Variants in TLE2 observed in about 807,000 individuals in gnomAD.
TLE2 encodes the protein TLE family member 2, transcriptional corepressor.
Under a neutral mutation model 97.2 loss-of-function variants are expected in TLE2, and 74 were observed. The observed-to-expected ratio is 0.76, with a 90% CI of 0.63 to 0.92. TLE2 has a LOEUF of 0.92. Ranked by LOEUF, TLE2 falls within the 40% of genes least tolerant of loss-of-function variation. The pLI, the probability that TLE2 is intolerant of heterozygous loss-of-function variation, is 0.00. For missense variants in TLE2, 1,038 were observed against 1,008.7 expected (o/e 1.03, Z -0.39); for synonymous variants, 499 against 432.1 (o/e 1.15, Z -1.92).
chr19:3,045,760 G>A (rs1265967887), exon 1 of TLE2: 1 of 447,850 alleles, frequency 2.2e-6, no homozygotes, highest in East Asian at 7.1e-5. Flanking sequence ...TTGGGAGGCG[G>A]AGGTTGCAGT....
chr19:3,028,843 C>G (rs759745249), intron 1 of TLE2, 38 bp downstream of exon 1: 1 of 1,611,850 alleles, frequency 6.2e-7, no homozygotes, highest in African/African-American at 1.3e-5. Context: ...TCTGAGTTCC[C>G]GGACACTGGG....
chr19:3,009,027 CCT>C lies in TLE2; in HGVS notation c.1174-84_1174-83del, dbSNP rs1169672696. The C allele has an allele frequency of 2.2e-5, 26 of 1,161,078 alleles. 1 individual carries two copies. Among genetic ancestry groups the C allele is most frequent in the South Asian group, 1.3e-4 (8 of 62,420 alleles). The allele number at this position is 1,161,078 out of a possible 1,614,324, so 71.9% of individuals were successfully genotyped here. A position where few individuals can be genotyped will look rare whatever the true frequency, so the allele number is the denominator to read the frequency against. Reference sequence around the variant, plus strand: ...CCACCCCACGCCCACCTGCCATACCCCTCTCTGTTTATCACCCCTCCCCAAGG... The same window carrying C: ...CCACCCCACGCCCACCTGCCATACCCCTCTGTTTATCACCCCTCCCCAAGG... On this transcript the variant is annotated intron_variant, in intron 13 of 19. Coordinates refer to ENST00000262953, the MANE Select transcript of TLE2 (RefSeq NM_003260.5).
In TLE2 at chr19:3,008,927, G is replaced by A. The variant is rs2089532510; in HGVS notation, c.1192C>T (p.Pro398Ser). 1 of 1,593,016 alleles carries A rather than the reference G, an allele frequency of 6.3e-7. No individual in the cohort carries two copies. Among genetic ancestry groups the A allele is most frequent in the Admixed American group, 1.7e-5 (1 of 57,636 alleles). Residue 398 changes from proline (P) to serine (S), a missense_variant, in exon 14 of 20, where the codon CCC becomes TCC. Transcript: ENST00000262953. ...RSPVMAFESH[P>S]HLRGSSVSSS... ...GAGACGGATGACCCTCGGAGATGGGGATGAGACTCAAATGCCATCTGTGAG... is the reference window on the plus strand; with the variant it reads ...GAGACGGATGACCCTCGGAGATGGGAATGAGACTCAAATGCCATCTGTGAG...
In TLE2 at chr19:3,006,447, C is replaced by CT; in HGVS notation, c.1472dup (p.Thr492AspfsTer32). On this transcript the variant is annotated frameshift_variant, in exon 15 of 20. Transcript: ENST00000262953. LOFTEE classifies it high-confidence loss of function. ...GGCAGTCGAGCTGGGCCACGGGCGT[C>CT]TTGGCCCCAGGCTGGCCCACGTCCC... 6.2e-7 allele frequency: 1 copy of CT among 1,610,704 alleles called. No homozygotes were observed. The highest frequency in any genetic ancestry group is 8.5e-7 in the Non-Finnish European group (1 of 1,179,608).
intron 1 of TLE2, among the ~76,000 whole-genome samples, chr19:3,043,404 C>T (rs1159251396): frequency 7.5e-6 from 1 of 132,952 alleles, no homozygotes; most frequent in Non-Finnish European, 1.6e-5. Flanking sequence ...GTCTCGAACG[C>T]CTAACCTCGT....
In TLE2 at chr19:3,021,835, A is replaced by T. The variant is rs183439247; in HGVS notation, c.295-2062T>A. ...TGATCTCAAGTGATTTGCCCCCCTC[A>T]GCCTCCCAAAGTGCTGGTATTACAG... is the stretch of plus-strand genomic sequence containing the variant. On this transcript the variant is annotated intron_variant, in intron 5 of 19. Coordinates refer to ENST00000262953, the MANE Select transcript of TLE2 (RefSeq NM_003260.5). Among the ~76,000 whole-genome samples the T allele has an allele frequency of 4.9e-3, 739 of 152,260 alleles. 7 individuals are homozygous for T. The highest frequency in any genetic ancestry group is 0.017 in the African/African-American group (703 of 41,564).
intron 18 of TLE2, 59 bp from the exon 19 acceptor site, chr19:3,000,782 C>A (rs966514585): frequency 2.9e-6 from 4 of 1,366,422 alleles, no homozygotes; most frequent in Non-Finnish European, 4.1e-6. Context: ...ACCCGGGCTG[C>A]AGGGGGAGGT....
upstream of TLE2, among the ~76,000 whole-genome samples, chr19:3,046,571 AC>A (rs963135539): frequency 3.7e-5 from 5 of 136,436 alleles, no homozygotes; most frequent in African/African-American, 8.1e-5. Context: ...CCTGACAGAC[AC>A]CCCCCCACCC....
At chr19:3,038,662 C>T (rs749030149) in intron 1 of TLE2, among the ~76,000 whole-genome samples, 21 of 152,240 alleles carry the variant, frequency 1.4e-4, no homozygotes, top group Admixed American at 7.9e-4. Flanking sequence ...AATCCCAGCA[C>T]TTTGGGAGGC....
At position 2,997,689 on chromosome 19, in the gene TLE2, C is replaced by T. The variant is rs2089244849; in HGVS notation, c.*159G>A. On this transcript the variant is annotated 3_prime_UTR_variant, in exon 20 of 20. Transcript: ENST00000262953. ...TCCACCGAGGTCCCCTGCCCATCGG[C>T]CCCCACATGCAGCAGGGGAAGGTGT... 1 of 596,944 alleles carries T rather than the reference C, an allele frequency of 1.7e-6. No individual in the cohort carries two copies. Among genetic ancestry groups the T allele is most frequent in the East Asian group, 2.8e-5 (1 of 35,822 alleles). The allele number at this position is 596,944 out of a possible 1,614,324, so 37.0% of individuals were successfully genotyped here. A position where few individuals can be genotyped will look rare whatever the true frequency, so the allele number is the denominator to read the frequency against.
rs753752802 is a variant in TLE2 at position 3,005,816 on chromosome 19, G to A, written c.1653C>T (p.Tyr551=). 23 of 1,613,912 alleles carry A rather than the reference G, an allele frequency of 1.4e-5. No individual in the cohort carries two copies. The highest frequency in any genetic ancestry group is 1.2e-4 in the African/African-American group (9 of 74,946). The change falls in exon 16 of 20, where the codon TAC becomes TAT. Residue 551 remains tyrosine, a synonymous_variant. Transcript: ENST00000262953. ...TGGCGTCGGGGCTGACGGCCAGGGC[G>A]TAGCAGGCTGGGGCTGAGGAAGTCA... ...AELTSSAPAC[Y]ALAVSPDAKV...
At chr19:3,000,793 C>A (rs925189658) in intron 18 of TLE2, 70 bp from the exon 19 acceptor site, 2 of 1,087,868 alleles carry the variant, frequency 1.8e-6, no homozygotes, top group East Asian at 5.8e-5. Flanking sequence ...AGGGGGAGGT[C>A]GGGGAAGCTG....
intron 1 of TLE2, among the ~76,000 whole-genome samples, chr19:3,036,442 G>A (rs1208155304): frequency 2.6e-5 from 4 of 152,204 alleles, no homozygotes; most frequent in African/African-American, 4.8e-5. Context: ...CCCGGGCCGG[G>A]AAAGCGGCTC....
At position 3,019,311 on chromosome 19, in the gene TLE2, A is replaced by G. The variant is rs1405045965; in HGVS notation, c.522T>C (p.Arg174=). 1 of 1,577,242 alleles carries G rather than the reference A, an allele frequency of 6.3e-7. No individual in the cohort carries two copies. The highest frequency in any genetic ancestry group is 1.8e-5 in the Admixed American group (1 of 57,052). Residue 174 remains arginine (R), a synonymous_variant, in exon 7 of 20, where the codon CGT becomes CGC. Coordinates refer to ENST00000262953, the MANE Select transcript of TLE2 (RefSeq NM_003260.5). This position sits in a 1 kb window ranked among gnomAD's most constrained non-coding sequence, Gnocchi z 5.1. Reference sequence around the variant, plus strand: ...TGGACCCCTCGGCCTCCACGCCCGCACGGTCCTCCTTGACAGCCGCCGCCA... The same window carrying G: ...TGGACCCCTCGGCCTCCACGCCCGCGCGGTCCTCCTTGACAGCCGCCGCCA... The part of the protein sequence containing the change: ...AQLAAAVKED[R]AGVEAEGSRV...
At position 3,023,056 on chromosome 19, in the gene TLE2, C is replaced by CT. The variant is rs35202557; in HGVS notation, c.294+1963dup. Among the ~76,000 whole-genome samples the CT allele has an allele frequency of 9.0e-3, 1,220 of 135,396 alleles. 5 individuals carry two copies. The highest frequency in any genetic ancestry group is 0.014 in the Non-Finnish European group (870 of 63,498). The allele number at this position is 135,396 out of a possible 152,430, so 88.8% of individuals were successfully genotyped here. A position where few individuals can be genotyped will look rare whatever the true frequency, so the allele number is the denominator to read the frequency against. On this transcript the variant is annotated intron_variant, in intron 5 of 19. Transcript: ENST00000262953. Reference sequence around the variant, plus strand: ...CCTTTCAACAGTCATTTTACCTAATCTTTTTTTTTTTTTTTTGAGACAGAA... The same window carrying CT: ...CCTTTCAACAGTCATTTTACCTAATCTTTTTTTTTTTTTTTTTGAGACAGAA...
At position 2,997,974 on chromosome 19, in the gene TLE2, G is replaced by A. The variant is rs1282817315; in HGVS notation, c.2125-19C>T. ...CCTTGGACTGCCAAGGGAAGGGAGA[G>A]AGAAAAGGGCACAGTGAGGCATGGT... On this transcript the variant is annotated intron_variant, in intron 19 of 19. Transcript: ENST00000262953. 5 of 1,580,518 alleles carry A rather than the reference G, an allele frequency of 3.2e-6. No individual in the cohort carries two copies. The highest frequency in any genetic ancestry group is 2.3e-5 in the East Asian group (1 of 44,416).
At chr19:3,010,364 CAAAAAAAAAGGAAAA>C (rs2089569560) in intron 12 of TLE2, among the ~76,000 whole-genome samples, 2 of 139,906 alleles carry the variant, frequency 1.4e-5, no homozygotes, top group African/African-American at 5.4e-5. Flanking sequence ...AACTCCGTCT[CAAAAAAAAAGGAAAA>C]AAAAAAACAA....
In TLE2 at chr19:3,028,358, C is replaced by T. The variant is rs1325393004; in HGVS notation, c.147G>A (p.Leu49=). Residue 49 remains leucine (L), a synonymous_variant, in exon 3 of 20, where the codon CTG becomes CTA. Coordinates refer to ENST00000262953, the MANE Select transcript of TLE2 (RefSeq NM_003260.5). The part of the protein sequence containing the change: ...YHSLKLECEK[L]ASEKTEMQRH... Reference sequence around the variant, plus strand: ...GCTGCATTTCCGTCTTCTCGCTGGCCAGCTTCTCACATTCTAGCTTGAGGC... The same window carrying T: ...GCTGCATTTCCGTCTTCTCGCTGGCTAGCTTCTCACATTCTAGCTTGAGGC... 6.2e-6 allele frequency: 10 copies of T among 1,609,080 alleles called. No individual in the cohort carries two copies. Among genetic ancestry groups the T allele is most frequent in the Non-Finnish European group, 8.5e-6 (10 of 1,177,576 alleles).
Position 3,013,788 on chromosome 19 carries a change from T to C in TLE2, c.754A>G (p.Thr252Ala). Residue 252 changes from threonine to alanine, a missense_variant, in exon 11 of 20, where the codon ACC (threonine) becomes GCC (alanine). Thr to Ala is a moderately conservative substitution (Grantham distance 58). Coordinates refer to ENST00000262953, the MANE Select transcript of TLE2 (RefSeq NM_003260.5). ...DQPSEPPSPATTPCGKVPICI... is the reference protein window; with the variant it reads ...DQPSEPPSPAATPCGKVPICI... ...ATGGGTACCTTTCCGCAGGGGGTGGTAGCCGGGCTGGGGGGCTCTGAGGGT... is the reference window on the plus strand; with the variant it reads ...ATGGGTACCTTTCCGCAGGGGGTGGCAGCCGGGCTGGGGGGCTCTGAGGGT... The C allele has an allele frequency of 6.4e-7, 1 of 1,555,016 alleles. No individual in the cohort carries two copies. The highest frequency in any genetic ancestry group is 8.7e-7 in the Non-Finnish European group (1 of 1,154,294).
Sources: allele counts gnomAD v4.1 joint callset (sites outside exome capture counted in the v4.1 genomes callset), GRCh38; gene constraint gnomAD v4.1.1; non-coding constraint Gnocchi (gnomAD v3.1); transcripts MANE v1.5; gene names NCBI Gene and HGNC (gene_info 2026-07-23, HGNC 2026-07-21).